The following RAB33B variants were observed in gnomAD, a reference collection of about 807,000 sequenced individuals.
RAB33B encodes the protein RAB33B, member RAS oncogene family.
Under a neutral mutation model 15.0 loss-of-function variants are expected in RAB33B, and 6 were observed. The observed-to-expected ratio is 0.40, with a 90% CI of 0.22 to 0.79. RAB33B has a LOEUF of 0.79. RAB33B is among the 30% of genes least tolerant of loss of function. The pLI is 0.37. For synonymous variants in RAB33B, 117 were observed against 108.3 expected, an observed-to-expected ratio of 1.08 and a Z score of -0.50; for missense variants, 257 against 296.4, an observed-to-expected ratio of 0.87 and a Z score of 0.98.
Position 139,467,714 on chromosome 4 carries a change from C to T in RAB33B, c.250-4972C>T, listed in dbSNP as rs186203906. Among the ~76,000 whole-genome samples the T allele has an allele frequency of 1.2e-3, 186 of 151,768 alleles. 1 individual carries two copies. The highest frequency in any genetic ancestry group is 2.6e-3 in the African/African-American group (106 of 41,426). On this transcript the variant is annotated intron_variant, in intron 1 of 1. Coordinates refer to ENST00000305626, the MANE Select transcript of RAB33B (RefSeq NM_031296.3). Reference sequence around the variant, plus strand: ...TCTACAAAAAAATAAACAAATTAGCCGGGTATGTTATCTTGCACCTGTAGT... The same window carrying T: ...TCTACAAAAAAATAAACAAATTAGCTGGGTATGTTATCTTGCACCTGTAGT...
chr4:139,458,241 G>C (rs530083557), intron 1 of RAB33B, among the ~76,000 whole-genome samples: 1 of 152,118 alleles, frequency 6.6e-6, no homozygotes, highest in East Asian at 1.9e-4. Flanking sequence ...CACTATGATC[G>C]AGCCACTCCA....
chr4:139,441,112 C>T, the RAB33B span, among the ~76,000 whole-genome samples: 1 of 152,206 alleles, frequency 6.6e-6, no homozygotes, highest in African/African-American at 2.4e-5. Flanking sequence ...CACATAATCT[C>T]ATCTCCCAGT....
At chr4:139,457,874 C>G (rs1005370593) in intron 1 of RAB33B, among the ~76,000 whole-genome samples, 1 of 152,184 alleles carries the variant, frequency 6.6e-6, no homozygotes, top group African/African-American at 2.4e-5. Context: ...ACTCTCACCC[C>G]TCTCTTTGCT....
chr4:139,441,265 G>A, the RAB33B span, among the ~76,000 whole-genome samples: 9 of 152,142 alleles, frequency 5.9e-5, no homozygotes, highest in Admixed American at 2.6e-4. Context: ...TTCATAACAC[G>A]GCTAGCTCAG....
the RAB33B span, among the ~76,000 whole-genome samples, chr4:139,440,458 C>T: frequency 2.6e-5 from 4 of 152,124 alleles, no homozygotes; most frequent in Non-Finnish European, 5.9e-5. Flanking sequence ...GGAATCAGAG[C>T]ACAGATCTAA....
At chr4:139,459,998 T>G (rs1456018962) in intron 1 of RAB33B, among the ~76,000 whole-genome samples, 5 of 152,004 alleles carry the variant, frequency 3.3e-5, no homozygotes, top group African/African-American at 1.2e-4. Context: ...GGCAGAGAGA[T>G]CAGTTGGTAG....
intron 1 of RAB33B, among the ~76,000 whole-genome samples, chr4:139,462,298 C>T (rs1324704823): frequency 1.3e-5 from 2 of 152,112 alleles, no homozygotes; most frequent in African/African-American, 4.8e-5. Flanking sequence ...CATGATCCGC[C>T]TGCCTCGGCC....
upstream of RAB33B, chr4:139,448,858 G>C (rs1749872274): frequency 6.6e-6 from 1 of 152,296 alleles, no homozygotes; most frequent in African/African-American, 2.4e-5. Context: ...ATGTGTAAGT[G>C]CACGAGTTTA....
chr4:139,467,512 A>G (rs947652957), intron 1 of RAB33B, among the ~76,000 whole-genome samples: 2 of 151,070 alleles, frequency 1.3e-5, no homozygotes, highest in African/African-American at 4.9e-5. Flanking sequence ...TGAAATAAGC[A>G]CATCATGGAG....
the RAB33B span, among the ~76,000 whole-genome samples, chr4:139,445,476 C>T: frequency 6.6e-6 from 1 of 152,224 alleles, no homozygotes; most frequent in Non-Finnish European, 1.5e-5. Flanking sequence ...ATTCAGGGAC[C>T]TTCTACCTCA....
At chr4:139,454,732 T>G (rs1377218344) in intron 1 of RAB33B, among the ~76,000 whole-genome samples, 1 of 152,184 alleles carries the variant, frequency 6.6e-6, no homozygotes, top group Non-Finnish European at 1.5e-5. Context: ...GGACCACACT[T>G]TGAGTTCAGG....
chr4:139,454,670 T>C (rs2111068041), intron 1 of RAB33B, among the ~76,000 whole-genome samples: 1 of 152,282 alleles, frequency 6.6e-6, no homozygotes, highest in Non-Finnish European at 1.5e-5. Context: ...TTTTTGAAAA[T>C]GCAGGCTATG....
chr4:139,461,884 A>G (rs1750179510), intron 1 of RAB33B, among the ~76,000 whole-genome samples: 1 of 151,696 alleles, frequency 6.6e-6, no homozygotes, highest in South Asian at 2.1e-4. Flanking sequence ...AGCCTGGGTG[A>G]CAGAGCAAGC....
At chr4:139,444,240 C>T in the RAB33B span, among the ~76,000 whole-genome samples, 1 of 152,020 alleles carries the variant, frequency 6.6e-6, no homozygotes, top group Non-Finnish European at 1.5e-5. Flanking sequence ...AGTTTATTTG[C>T]TTGGTTAGCT....
At chr4:139,450,144 A>G (rs377590046), upstream of RAB33B, 8 of 152,362 alleles carry the variant, frequency 5.3e-5, no homozygotes, top group East Asian at 1.3e-3. Context: ...AACCACTAGC[A>G]TAGTACTGAG....
chr4:139,476,008 T>A lies in RAB33B; in HGVS notation c.*2882T>A, dbSNP rs964399739. The A allele has an allele frequency of 6.6e-6, 1 of 152,182 alleles. No homozygotes were observed. The highest frequency in any genetic ancestry group is 1.5e-5 in the Non-Finnish European group (1 of 68,028). The allele number at this position is 152,182 out of a possible 1,614,324, so 9.4% of individuals were successfully genotyped here. A position where few individuals can be genotyped will look rare whatever the true frequency, so the allele number is the denominator to read the frequency against. On this transcript the variant is annotated 3_prime_UTR_variant, in exon 2 of 2. Coordinates refer to ENST00000305626, the MANE Select transcript of RAB33B (RefSeq NM_031296.3). ...TGGTTTCCAGATAATATTATATATA[T>A]GATACACTTTTGAAAACAACAAAAA...
At chr4:139,455,898 T>G (rs1750060422) in intron 1 of RAB33B, among the ~76,000 whole-genome samples, 1 of 152,126 alleles carries the variant, frequency 6.6e-6, no homozygotes, top group Non-Finnish European at 1.5e-5. Context: ...CTGCGTGTCC[T>G]TACTAGGGTG....
intron 1 of RAB33B, among the ~76,000 whole-genome samples, chr4:139,466,197 C>T (rs1255677032): frequency 2.0e-5 from 3 of 152,068 alleles, no homozygotes; most frequent in African/African-American, 7.2e-5. Flanking sequence ...ATCCACAGTT[C>T]TTTGAGGGCG....
At chr4:139,458,038 A>G (rs1488655943) in intron 1 of RAB33B, among the ~76,000 whole-genome samples, 1 of 152,174 alleles carries the variant, frequency 6.6e-6, no homozygotes, top group Non-Finnish European at 1.5e-5. Flanking sequence ...CAATTAATCT[A>G]TTTTGTACAT....
Sources: allele counts gnomAD v4.1 joint callset (sites outside exome capture counted in the v4.1 genomes callset), GRCh38; gene constraint gnomAD v4.1.1; transcripts MANE v1.5; gene names NCBI Gene and HGNC (gene_info 2026-07-23, HGNC 2026-07-21).